The following TAF3 variants were observed in gnomAD, a reference collection of about 807,000 sequenced individuals.
TAF3 encodes transcription initiation factor TFIID subunit 3.
A neutral mutation model predicts 80.6 loss-of-function variants in TAF3; 7 were observed. The ratio of observed to expected loss-of-function variants is 0.09; its 90% CI spans 0.05 to 0.16. The LOEUF (loss-of-function observed/expected upper bound fraction) is 0.16. Among genes scored for constraint, TAF3 ranks in the 10% least tolerant of loss-of-function variants. The pLI, the probability that TAF3 is intolerant of heterozygous loss-of-function variation, is 1.00. For missense variants in TAF3, 921 were observed against 1,140.2 expected (o/e 0.81, Z 2.77); for synonymous variants, 444 against 446.1 (o/e 1.00, Z 0.06).
At chr10:7,834,584 G>C (rs1357914681) in intron 2 of TAF3, among the ~76,000 whole-genome samples, 1 of 151,760 alleles carries the variant, frequency 6.6e-6, no homozygotes, top group African/African-American at 2.4e-5. Context: ...AGGTGGATAG[G>C]GTTCCTCCTG....
intron 4 of TAF3, among the ~76,000 whole-genome samples, chr10:8,002,905 C>T (rs1461007090): frequency 6.6e-6 from 1 of 152,170 alleles, no homozygotes; most frequent in African/African-American, 2.4e-5. Flanking sequence ...AGCTTCCTGG[C>T]AAATTGGAAC....
At chr10:7,978,858 C>G (rs1276870292) in intron 4 of TAF3, among the ~76,000 whole-genome samples, 2 of 152,204 alleles carry the variant, frequency 1.3e-5, no homozygotes, top group Admixed American at 6.5e-5. Flanking sequence ...TGCTCATACC[C>G]TTTAGAGGAA....
chr10:7,951,768 C>G (rs557898256), intron 2 of TAF3, among the ~76,000 whole-genome samples: 10 of 152,260 alleles, frequency 6.6e-5, no homozygotes, highest in African/African-American at 2.4e-4. Context: ...TACTCAAAAG[C>G]CAAAGAGGTA....
At chr10:7,874,122 A>T (rs2131148396) in intron 2 of TAF3, among the ~76,000 whole-genome samples, 2 of 152,356 alleles carry the variant, frequency 1.3e-5, no homozygotes, top group Middle Eastern at 3.4e-3. Context: ...AGCTTGTCAT[A>T]TAAAATATAC....
intron 2 of TAF3, among the ~76,000 whole-genome samples, chr10:7,907,995 G>T (rs1306025852): frequency 1.3e-5 from 2 of 152,204 alleles, no homozygotes; most frequent in Admixed American, 6.5e-5. Flanking sequence ...ATACGTAGAA[G>T]AAGTTGGCAG....
intron 4 of TAF3, among the ~76,000 whole-genome samples, chr10:8,000,847 ATATT>A (rs1203017966): frequency 3.9e-5 from 6 of 152,158 alleles, no homozygotes; most frequent in Admixed American, 6.5e-5. Flanking sequence ...ATTTTAGTAT[ATATT>A]CTTTCAAACT....
chr10:7,892,276 G>A (rs1447668321), intron 2 of TAF3, among the ~76,000 whole-genome samples: 1 of 152,204 alleles, frequency 6.6e-6, no homozygotes, highest in Non-Finnish European at 1.5e-5. Flanking sequence ...AGCAGATTTA[G>A]CATGTGCTGC....
intron 4 of TAF3, among the ~76,000 whole-genome samples, chr10:7,980,592 T>G (rs1244590653): frequency 6.6e-6 from 1 of 152,196 alleles, no homozygotes; most frequent in Non-Finnish European, 1.5e-5. Flanking sequence ...TAGTCTATAT[T>G]GAAGATAAAA....
intron 2 of TAF3, among the ~76,000 whole-genome samples, chr10:7,930,766 A>T (rs1429799839): frequency 1.3e-5 from 2 of 152,130 alleles, no homozygotes; most frequent in African/African-American, 4.8e-5. Context: ...TATACTCGAT[A>T]CTGGTATCCA....
intron 2 of TAF3, among the ~76,000 whole-genome samples, chr10:7,832,810 A>G (rs1207089871): frequency 6.6e-6 from 1 of 152,166 alleles, no homozygotes; most frequent in African/African-American, 2.4e-5. Flanking sequence ...TCAGCCTCCC[A>G]AAGTGCTGGG....
intron 4 of TAF3, among the ~76,000 whole-genome samples, chr10:7,993,438 C>G (rs1831853485): frequency 6.6e-6 from 1 of 152,164 alleles, no homozygotes; most frequent in Non-Finnish European, 1.5e-5. Context: ...CTCAGCCTCC[C>G]GAATTGCTGA....
intron 2 of TAF3, among the ~76,000 whole-genome samples, chr10:7,870,659 A>ACGAG (rs1837256553): frequency 6.6e-6 from 1 of 152,086 alleles, no homozygotes; most frequent in Non-Finnish European, 1.5e-5. Context: ...TTAGGCCTTA[A>ACGAG]CGAGCGGCAG....
intron 2 of TAF3, among the ~76,000 whole-genome samples, chr10:7,830,246 C>T (rs1836784675): frequency 6.6e-6 from 1 of 152,134 alleles, no homozygotes; most frequent in African/African-American, 2.4e-5. Context: ...GAAATTTAAA[C>T]CCTTTCTCCC....
chr10:7,863,406 T>C (rs1205893106), intron 2 of TAF3, among the ~76,000 whole-genome samples: 1 of 150,816 alleles, frequency 6.6e-6, no homozygotes, highest in Non-Finnish European at 1.5e-5. Flanking sequence ...AGTTCAGGAG[T>C]TTGAGATCAG....
At chr10:7,824,950 A>G (rs953458954) in intron 2 of TAF3, among the ~76,000 whole-genome samples, 67 of 152,344 alleles carry the variant, frequency 4.4e-4, no homozygotes, top group African/African-American at 1.5e-3. Flanking sequence ...GTTGAATGCC[A>G]TGGCTTTATA....
At chr10:7,863,768 T>TATATATATACACATATATATATACACAC (rs1837180949) in intron 2 of TAF3, among the ~76,000 whole-genome samples, 1 of 138,478 alleles carries the variant, frequency 7.2e-6, no homozygotes, top group Non-Finnish European at 1.6e-5. Flanking sequence ...TATACACACA[T>TATATATATACACATATATATATACACAC]GGCACATGTC....
chr10:7,951,771 A>C (rs1271021537), intron 2 of TAF3, among the ~76,000 whole-genome samples: 5 of 152,210 alleles, frequency 3.3e-5, no homozygotes, highest in Non-Finnish European at 5.9e-5. Context: ...TCAAAAGCCA[A>C]AGAGGTAGTA....
chr10:7,962,249 C>G (rs1187569673), intron 2 of TAF3, among the ~76,000 whole-genome samples: 1 of 152,170 alleles, frequency 6.6e-6, no homozygotes, highest in Non-Finnish European at 1.5e-5. Context: ...ATATCCTTCA[C>G]CTCTGCTGCT....
chr10:7,993,880 CTTTT>C (rs953356058), intron 4 of TAF3, among the ~76,000 whole-genome samples: 14 of 104,394 alleles, frequency 1.3e-4, no homozygotes, highest in Non-Finnish European at 3.8e-5. Context: ...AATATACAAT[CTTTT>C]TTTTTTTTTT....
Sources: gnomAD v4.1 joint callset for allele counts (sites outside exome capture counted in the v4.1 genomes callset) on GRCh38, gnomAD v4.1.1 for gene constraint, MANE v1.5 for transcripts, NCBI Gene and HGNC (gene_info 2026-07-23, HGNC 2026-07-21) for gene names.